GRM8: variants seen among roughly 807,000 people sequenced by gnomAD.
GRM8 encodes the protein glutamate metabotropic receptor 8.
Under a neutral mutation model 87.2 loss-of-function variants are expected in GRM8, and 47 were observed. The ratio of observed to expected loss-of-function variants is 0.54; its 90% CI spans 0.43 to 0.69. The LOEUF is 0.69. Ranked by LOEUF, GRM8 falls within the 30% of genes least tolerant of loss-of-function variation. The probability of loss-of-function intolerance (pLI) is 0.00; values close to 1 mark genes in which losing one functional copy is unlikely to be tolerated. For missense variants in GRM8, 1,019 were observed against 1,139.2 expected, an observed-to-expected ratio of 0.89 and a Z score of 1.52; for synonymous variants, 396 against 404.5, an observed-to-expected ratio of 0.98 and a Z score of 0.25.
chr7:126,652,211 T>G (rs1803980361), intron 7 of GRM8, among the ~76,000 whole-genome samples: 1 of 152,246 alleles, frequency 6.6e-6, no homozygotes, highest in Admixed American at 6.5e-5. Context: ...GTTAGCTTTA[T>G]GTAATAGCAT....
At chr7:126,900,460 G>A (rs375463626) in intron 6 of GRM8, among the ~76,000 whole-genome samples, 3 of 151,022 alleles carry the variant, frequency 2.0e-5, no homozygotes, top group Non-Finnish European at 2.9e-5. Flanking sequence ...GTACCAAAGC[G>A]TCTGTCCTGT....
At chr7:126,815,097 TTCAAATA>T (rs1793662413) in intron 6 of GRM8, among the ~76,000 whole-genome samples, 1 of 152,072 alleles carries the variant, frequency 6.6e-6, no homozygotes, top group Admixed American at 6.6e-5. Flanking sequence ...GTAATAGAGA[TTCAAATA>T]GGTAAACTCA....
chr7:126,796,003 G>A (rs543775114), intron 6 of GRM8, among the ~76,000 whole-genome samples: 1 of 152,044 alleles, frequency 6.6e-6, no homozygotes, highest in African/African-American at 2.4e-5. Context: ...TTCTCAAGAA[G>A]AATTTCAGCT....
chr7:126,762,910 C>T (rs1271910673), intron 7 of GRM8, among the ~76,000 whole-genome samples: 1 of 151,742 alleles, frequency 6.6e-6, no homozygotes, highest in East Asian at 1.9e-4. Context: ...ATGTTTAAGT[C>T]TTCATAAATT....
chr7:127,191,002 AGAG>A (rs1795000095), intron 2 of GRM8, among the ~76,000 whole-genome samples: 1 of 152,228 alleles, frequency 6.6e-6, no homozygotes, highest in South Asian at 2.1e-4. Flanking sequence ...CAATTTTTAC[AGAG>A]GAGAATTAAA....
rs543681051 is a variant in GRM8, at chr7:127,068,005, C to T, written c.727+38491G>A. Among the ~76,000 whole-genome samples the T allele has an allele frequency of 1.2e-3, 184 of 152,198 alleles. 1 individual carries two copies. The highest frequency in any genetic ancestry group is 4.2e-3 in the African/African-American group (175 of 41,504). On this transcript the variant is annotated intron_variant, in intron 3 of 10. Transcript: ENST00000339582. ...GTAACTGTGCCAAATCCCTTTAGAC[C>T]AGTGAAAGCACACAACAGAGCAGAT...
At chr7:126,534,312 T>C (rs890970335) in intron 8 of GRM8, among the ~76,000 whole-genome samples, 1 of 152,244 alleles carries the variant, frequency 6.6e-6, no homozygotes, top group African/African-American at 2.4e-5. Context: ...AGATGATCCA[T>C]GTCTTTCTAC....
chr7:126,694,959 A>G (rs1809218329), intron 7 of GRM8, among the ~76,000 whole-genome samples: 1 of 152,176 alleles, frequency 6.6e-6, no homozygotes, highest in Non-Finnish European at 1.5e-5. Flanking sequence ...ACAGAATGTA[A>G]GTGGTCCTGT....
chr7:126,736,562 G>A (rs560242332), intron 7 of GRM8, among the ~76,000 whole-genome samples: 1 of 151,964 alleles, frequency 6.6e-6, no homozygotes, highest in South Asian at 2.1e-4. Flanking sequence ...ATGTTTTTGT[G>A]TCCCTCTCCT....
At chr7:126,868,089 A>T (rs1336658477) in intron 6 of GRM8, among the ~76,000 whole-genome samples, 1 of 152,150 alleles carries the variant, frequency 6.6e-6, no homozygotes, top group Non-Finnish European at 1.5e-5. Flanking sequence ...GGGTGAGCTG[A>T]GTGCTCTCAG....
In GRM8 at chr7:127,174,075, G is replaced by T. The variant is rs551955048; in HGVS notation, c.511-67363C>A. Among the ~76,000 whole-genome samples, 3 of 152,058 alleles carry T rather than the reference G, an allele frequency of 2.0e-5. No individual in the cohort carries two copies. The South Asian group carries it at 6.2e-4, about 32-fold the overall frequency. ...GAAACATTCACAGCAACACACACAC[G>T]CACCCCTAGACCTCAATATTTAGAT... On this transcript the variant is annotated intron_variant, in intron 2 of 10. Coordinates refer to ENST00000339582, the MANE Select transcript of GRM8 (RefSeq NM_000845.3).
At chr7:127,215,861 T>G (rs1012030725) in intron 2 of GRM8, among the ~76,000 whole-genome samples, 1 of 152,172 alleles carries the variant, frequency 6.6e-6, no homozygotes, top group Non-Finnish European at 1.5e-5. Flanking sequence ...CCTCCCAGCT[T>G]AATTACAACT....
rs545882628 is a variant in GRM8 at position 126,524,968 on chromosome 7, G to T, written c.2430+7984C>A. On this transcript the variant is annotated intron_variant, in intron 9 of 10. Coordinates refer to ENST00000339582, the MANE Select transcript of GRM8 (RefSeq NM_000845.3). Reference sequence around the variant, plus strand: ...CTTATATTTCCTGAATTACCTGTGGGATTTTTTTTTTGAGTCAGTTAATGC... The same window carrying T: ...CTTATATTTCCTGAATTACCTGTGGTATTTTTTTTTTGAGTCAGTTAATGC... 5.3e-4 allele frequency among the ~76,000 whole-genome samples: 81 copies of T among 151,994 alleles called. 1 individual carries two copies. In the South Asian group the frequency reaches 0.016, roughly 30 times the overall value.
At chr7:126,849,786 A>G (rs1336085014) in intron 6 of GRM8, among the ~76,000 whole-genome samples, 1 of 152,020 alleles carries the variant, frequency 6.6e-6, no homozygotes, top group African/African-American at 2.4e-5. Context: ...GCATACCTTC[A>G]TACCCATCTC....
intron 3 of GRM8, among the ~76,000 whole-genome samples, chr7:126,986,298 C>T (rs1282554790): frequency 3.3e-5 from 5 of 152,164 alleles, no homozygotes; most frequent in Non-Finnish European, 5.9e-5. Context: ...GCTTGAGTCA[C>T]CACACACAGG....
rs1399480526 is a variant in GRM8 at position 126,480,022 on chromosome 7, A to G, written c.2431-33650T>C. On this transcript the variant is annotated intron_variant, in intron 9 of 10. Coordinates refer to ENST00000339582, the MANE Select transcript of GRM8 (RefSeq NM_000845.3). ...GACTGTGACGAATCAATCTAACCGT[A>G]TTACAAATAAATTATATAACTAGAC... Among the ~76,000 whole-genome samples, 3 of 152,124 alleles carry G rather than the reference A, an allele frequency of 2.0e-5. No individual in the cohort carries two copies. In the East Asian group the frequency reaches 5.8e-4, roughly 29 times the overall value.
intron 8 of GRM8, among the ~76,000 whole-genome samples, chr7:126,584,991 T>C (rs1281753351): frequency 6.6e-6 from 1 of 152,126 alleles, no homozygotes; most frequent in Non-Finnish European, 1.5e-5. Flanking sequence ...ATAACCCAAT[T>C]GAAAATAAAA....
intron 3 of GRM8, among the ~76,000 whole-genome samples, chr7:126,953,033 A>G (rs1808324216): frequency 6.6e-6 from 1 of 152,130 alleles, no homozygotes; most frequent in African/African-American, 2.4e-5. Context: ...GAGGGAGGCT[A>G]GGGCAGGGAT....
intron 2 of GRM8, among the ~76,000 whole-genome samples, chr7:127,214,617 G>T (rs1025031812): frequency 6.6e-6 from 1 of 152,146 alleles, no homozygotes; most frequent in African/African-American, 2.4e-5. Context: ...AGGAGAAGGA[G>T]CGTGTTGAAG....
Sources: allele counts gnomAD v4.1 joint callset (sites outside exome capture counted in the v4.1 genomes callset), GRCh38; gene constraint gnomAD v4.1.1; transcripts MANE v1.5; gene names NCBI Gene and HGNC (gene_info 2026-07-23, HGNC 2026-07-21).